EXOC4: variants seen among roughly 807,000 people sequenced by gnomAD.
EXOC4 encodes the protein exocyst complex component 4.
In EXOC4, 71 loss-of-function variants were observed where a neutral mutation model predicts 107.2. The ratio of observed to expected loss-of-function variants is 0.66; its 90% CI spans 0.55 to 0.81. EXOC4 has a LOEUF of 0.81. Ranked by LOEUF, EXOC4 falls within the 30% of genes least tolerant of loss-of-function variation. EXOC4 has a pLI of 0.00. For missense variants in EXOC4, 1,108 were observed against 1,189.6 expected, an observed-to-expected ratio of 0.93 and a Z score of 1.01; for synonymous variants, 456 against 441.2, an observed-to-expected ratio of 1.03 and a Z score of -0.42.
At chr7:133,285,735 C>CT (rs1302879046) in intron 2 of EXOC4, among the ~76,000 whole-genome samples, 2 of 149,190 alleles carry the variant, frequency 1.3e-5, no homozygotes, top group African/African-American at 2.5e-5. Flanking sequence ...ATGTTCTGGC[C>CT]TTTTTTTTCT....
intron 11 of EXOC4, among the ~76,000 whole-genome samples, chr7:133,856,926 C>A (rs995871533): frequency 1.1e-3 from 162 of 150,754 alleles, no homozygotes; most frequent in African/African-American, 3.5e-3. Flanking sequence ...CGGTGAAACC[C>A]CGTCTCTACT....
intron 17 of EXOC4, among the ~76,000 whole-genome samples, chr7:134,041,808 T>C (rs926022007): frequency 6.6e-6 from 1 of 152,194 alleles, no homozygotes; most frequent in Non-Finnish European, 1.5e-5. Flanking sequence ...TGAAAAATTA[T>C]TTAACTGGAT....
intron 14 of EXOC4, among the ~76,000 whole-genome samples, chr7:133,963,514 A>C (rs1057177646): frequency 2.0e-5 from 3 of 152,220 alleles, no homozygotes; most frequent in Non-Finnish European, 4.4e-5. Context: ...CAAGGCAAGG[A>C]GTGAAAGGAA....
chr7:133,900,139 T>C (rs1371876707), intron 12 of EXOC4, among the ~76,000 whole-genome samples: 2 of 152,166 alleles, frequency 1.3e-5, no homozygotes, highest in Non-Finnish European at 2.9e-5. Flanking sequence ...ACTGAGCATT[T>C]ACCAAGATGC....
chr7:133,804,981 G>A (rs1013298693), intron 10 of EXOC4, among the ~76,000 whole-genome samples: 1 of 152,138 alleles, frequency 6.6e-6, no homozygotes, highest in African/African-American at 2.4e-5. Flanking sequence ...TAAACAAGCT[G>A]TAAAAATAAC....
chr7:133,341,783 A>G (rs1171450770), intron 5 of EXOC4, among the ~76,000 whole-genome samples: 2 of 152,048 alleles, frequency 1.3e-5, no homozygotes, highest in East Asian at 1.9e-4. Context: ...TCATTATCTA[A>G]TGTCCCTCTT....
chr7:133,523,986 A>G (rs1214556675), intron 9 of EXOC4, among the ~76,000 whole-genome samples: 11 of 150,076 alleles, frequency 7.3e-5, no homozygotes, highest in Non-Finnish European at 1.5e-4. Flanking sequence ...GTCAAATGGT[A>G]TTTCTAGTTC....
At chr7:133,537,345 AT>A (rs1433543812) in intron 9 of EXOC4, among the ~76,000 whole-genome samples, 2 of 33,128 alleles carry the variant, frequency 6.0e-5, no homozygotes, top group Non-Finnish European at 1.1e-4. Context: ...TTTAGTAGAC[AT>A]GGGGTTTCCC....
In EXOC4 at chr7:134,063,551, G is replaced by A. The variant is rs117211692; in HGVS notation, c.2688-740G>A. On this transcript the variant is annotated intron_variant, in intron 17 of 17. Transcript: ENST00000253861. ...TGGGAAAAGGGAGGTGTAGCCCCTG[G>A]GTGGAGTGAGGGGTAAGTGGCACAG... Among the ~76,000 whole-genome samples, 896 of 152,190 alleles carry A rather than the reference G, an allele frequency of 5.9e-3. 19 individuals carry two copies. Among genetic ancestry groups the A allele is most frequent in the South Asian group, 0.013 (64 of 4,816 alleles).
At chr7:133,303,722 TG>T (rs2150565265) in intron 3 of EXOC4, among the ~76,000 whole-genome samples, 1 of 152,358 alleles carries the variant, frequency 6.6e-6, no homozygotes, top group Non-Finnish European at 1.5e-5. Flanking sequence ...AGACTACCTT[TG>T]ATAATATATG....
intron 5 of EXOC4, among the ~76,000 whole-genome samples, chr7:133,344,503 C>T (rs904993794): frequency 4.6e-5 from 7 of 152,138 alleles, no homozygotes; most frequent in South Asian, 2.1e-4. Flanking sequence ...TTGGTAGCAT[C>T]GGAAGGTTTG....
chr7:133,489,096 A>G (rs1180736412), intron 9 of EXOC4, among the ~76,000 whole-genome samples: 3 of 151,268 alleles, frequency 2.0e-5, no homozygotes, highest in Non-Finnish European at 2.9e-5. Context: ...TGAATAGCCT[A>G]TTTCATAGGA....
chr7:134,066,929 G>A (rs1053031500), downstream of EXOC4, among the ~76,000 whole-genome samples: 4 of 152,074 alleles, frequency 2.6e-5, no homozygotes, highest in Non-Finnish European at 5.9e-5. Context: ...GAGGCAGGCA[G>A]ATCAGGAGGT....
intron 15 of EXOC4, among the ~76,000 whole-genome samples, chr7:134,004,278 A>C (rs373467637): frequency 6.6e-6 from 1 of 152,162 alleles, no homozygotes; most frequent in Admixed American, 6.5e-5. Context: ...AGTACTTACT[A>C]TGCACGCCAT....
chr7:133,394,457 A>G (rs531496813), intron 7 of EXOC4, among the ~76,000 whole-genome samples: 2 of 152,272 alleles, frequency 1.3e-5, no homozygotes, highest in Admixed American at 1.3e-4. Flanking sequence ...CAGAGCTTCT[A>G]TTATGTAATT....
intron 17 of EXOC4, among the ~76,000 whole-genome samples, chr7:134,049,711 G>C (rs578106623): frequency 1.3e-4 from 20 of 152,254 alleles, no homozygotes; most frequent in Admixed American, 7.8e-4. Context: ...ACCAGACTCT[G>C]CATCGCCAGA....
intron 10 of EXOC4, among the ~76,000 whole-genome samples, chr7:133,646,787 A>G (rs1484938710): frequency 6.6e-6 from 1 of 152,224 alleles, no homozygotes; most frequent in East Asian, 1.9e-4. Context: ...AAAGAAGAGA[A>G]GGGGAAGATG....
chr7:134,064,241 G>A (rs1563110182), intron 17 of EXOC4, 50 bp from the exon 18 acceptor site: 11 of 1,267,686 alleles, frequency 8.7e-6, no homozygotes, highest in East Asian at 2.6e-5. Flanking sequence ...CCCTCGAGAC[G>A]ACGTTACCAG....
In EXOC4 at chr7:133,875,564, G is replaced by A. The variant is rs187274442; in HGVS notation, c.1735-20035G>A. Among the ~76,000 whole-genome samples, 11 of 152,262 alleles carry A rather than the reference G, an allele frequency of 7.2e-5. No individual in the cohort carries two copies. The East Asian group carries it at 1.5e-3, about 21-fold the overall frequency. On this transcript the variant is annotated intron_variant, in intron 11 of 17. Transcript: ENST00000253861. ...GGCATTGGAGTGGCCTGTGCTTCCC[G>A]AGGCTGGTCACATAGAATGGTCTAC...
Sources: allele counts gnomAD v4.1 joint callset (sites outside exome capture counted in the v4.1 genomes callset), GRCh38; gene constraint gnomAD v4.1.1; transcripts MANE v1.5; gene names NCBI Gene and HGNC (gene_info 2026-07-23, HGNC 2026-07-21).